Variants in PCDHGA3 observed in about 807,000 individuals in gnomAD.
PCDHGA3 encodes protocadherin gamma-A3.
A neutral mutation model predicts 58.5 loss-of-function variants in PCDHGA3; 40 were observed. That is an observed-to-expected ratio of 0.68 (90% CI 0.53 to 0.89). The LOEUF (loss-of-function observed/expected upper bound fraction) is 0.89. PCDHGA3 is among the 40% of genes least tolerant of loss of function. PCDHGA3 has a pLI of 0.00. For missense variants in PCDHGA3, 1,223 were observed against 1,195.9 expected (o/e 1.02, Z -0.33); for synonymous variants, 530 against 525.7 (o/e 1.01, Z -0.11).
rs1196577099 is a variant in PCDHGA3 at position 141,344,915 on chromosome 5, TAACTC to T, written c.884_888del (p.Asn295SerfsTer14). The stretch of plus-strand genomic sequence containing the variant: ...GGAAAATCGCTGAGATTTTCCATCT[TAACTC>T]AGTGAGTGGAGAAGTATCAATATTA... On this transcript the variant is annotated frameshift_variant, in exon 1 of 4. Coordinates refer to ENST00000253812, the MANE Select transcript of PCDHGA3 (RefSeq NM_018916.4). LOFTEE classifies it high-confidence loss of function. The T allele has an allele frequency of 3.7e-6, 6 of 1,613,928 alleles. No homozygotes were observed. The highest frequency in any genetic ancestry group is 3.4e-6 in the Non-Finnish European group (4 of 1,179,842).
At chr5:141,404,114 G>C (rs2094486353) in intron 1 of PCDHGA3, 4 of 1,613,348 alleles carry the variant, frequency 2.5e-6, no homozygotes, top group Non-Finnish European at 3.4e-6. Context: ...TTCTATCCAG[G>C]AGAATCTATC....
At chr5:141,352,289 C>G in intron 1 of PCDHGA3, 1 of 1,614,082 alleles carries the variant, frequency 6.2e-7, no homozygotes, top group Non-Finnish European at 8.5e-7. Context: ...CCGCCCTGAG[C>G]CCTCTGACCC....
intron 1 of PCDHGA3, chr5:141,414,638 A>G: frequency 6.2e-7 from 1 of 1,613,988 alleles, no homozygotes; most frequent in Non-Finnish European, 8.5e-7. Flanking sequence ...AGCAAAGAGA[A>G]TGCCCAGATT....
chr5:141,446,043 A>T (rs1374577548), intron 1 of PCDHGA3, among the ~76,000 whole-genome samples: 2 of 152,226 alleles, frequency 1.3e-5, no homozygotes, highest in Non-Finnish European at 2.9e-5. Flanking sequence ...AAATGGAAGA[A>T]GAGCTGGCTT....
At chr5:141,379,301 T>C (rs1454001720) in intron 1 of PCDHGA3, 1 of 152,244 alleles carries the variant, frequency 6.6e-6, no homozygotes, top group East Asian at 1.9e-4. Context: ...CAAAGGTATA[T>C]ACCTAAACAA....
chr5:141,399,975 G>A (rs2093929990), intron 1 of PCDHGA3: 2 of 1,612,126 alleles, frequency 1.2e-6, no homozygotes, highest in East Asian at 2.2e-5. Flanking sequence ...TCAGCCTGGG[G>A]CTGCGCACAG....
intron 1 of PCDHGA3, among the ~76,000 whole-genome samples, chr5:141,349,242 AT>A (rs11302014): frequency 0.56 from 84,602 of 151,744 alleles, 26,002 homozygotes; most frequent in African/African-American, 0.83. Context: ...GATAATTTTT[AT>A]TTTTTTTAGT....
At chr5:141,468,931 G>A (rs1321821773) in intron 1 of PCDHGA3, among the ~76,000 whole-genome samples, 2 of 148,600 alleles carry the variant, frequency 1.3e-5, no homozygotes, top group Non-Finnish European at 3.0e-5. Flanking sequence ...GCACTAAAAT[G>A]GGAGATGGGG....
In PCDHGA3 at chr5:141,491,357, T is replaced by C; in HGVS notation, c.2425-3450T>C. 6.2e-7 allele frequency: 1 copy of C among 1,614,144 alleles called. No homozygotes were observed. Among genetic ancestry groups the C allele is most frequent in the South Asian group, 1.1e-5 (1 of 91,080 alleles). On this transcript the variant is annotated intron_variant, in intron 1 of 3. Transcript: ENST00000253812. This position sits in a 1 kb window ranked among gnomAD's most constrained non-coding sequence, Gnocchi z 6.9. ...CTAGCGACCGTCAGTCTCTTATCCCTAGTCACCTTCACCTTTCTGTCAGCG... is the reference window on the plus strand; with the variant it reads ...CTAGCGACCGTCAGTCTCTTATCCCCAGTCACCTTCACCTTTCTGTCAGCG...
At position 141,419,393 on chromosome 5, in the gene PCDHGA3, G is replaced by C; in HGVS notation, c.2424+72936G>C. On this transcript the variant is annotated intron_variant, in intron 1 of 3. Transcript: ENST00000253812. ...CTACGTGTCCGTGAGCGCGCAGAGC[G>C]GGGTGGTGTTCGCGCAGCGCGCCTT... 1.2e-6 allele frequency: 2 copies of C among 1,613,620 alleles called. No homozygotes were observed. The highest frequency in any genetic ancestry group is 1.7e-6 in the Non-Finnish European group (2 of 1,179,912).
Position 141,409,934 on chromosome 5 carries a change from G to A in PCDHGA3, c.2424+63477G>A. The A allele has an allele frequency of 1.9e-6, 3 of 1,613,362 alleles. No individual in the cohort carries two copies. Among genetic ancestry groups the A allele is most frequent in the South Asian group, 2.2e-5 (2 of 91,074 alleles). On this transcript the variant is annotated intron_variant, in intron 1 of 3. Transcript: ENST00000253812. ...TGACGGCTCCGCGTTCTTCGATATG[G>A]TACCTCGCTCTGCAGAGCCCGGCTA...
chr5:141,423,750 T>TGGG lies in PCDHGA3; in HGVS notation c.2425-71049_2425-71047dup, dbSNP rs144521096. 4.7e-3 allele frequency: 1,348 copies of TGGG among 288,070 alleles called. 1 individual carries two copies. The highest frequency in any genetic ancestry group is 5.4e-3 in the Non-Finnish European group (1,192 of 221,408). 17.8% of individuals were successfully genotyped at this position (288,070 alleles called of 1,614,324 possible). A position where few individuals can be genotyped will look rare whatever the true frequency, so the allele number is the denominator to read the frequency against. ...TTTTGAGCCTGTTATGAAAACTGTT[T>TGGG]GGGGGGGGGGTGGGGCGGCATATAT... is the stretch of plus-strand genomic sequence containing the variant. On this transcript the variant is annotated intron_variant, in intron 1 of 3. Coordinates refer to ENST00000253812, the MANE Select transcript of PCDHGA3 (RefSeq NM_018916.4).
intron 1 of PCDHGA3, among the ~76,000 whole-genome samples, chr5:141,446,153 AT>A (rs1158236808): frequency 1.3e-5 from 2 of 152,362 alleles, no homozygotes; most frequent in East Asian, 3.9e-4. Flanking sequence ...TAGGTGGAAT[AT>A]AAATTTCATG....
chr5:141,395,016 G>T, intron 1 of PCDHGA3: 1 of 1,614,068 alleles, frequency 6.2e-7, no homozygotes, highest in Admixed American at 1.7e-5. Flanking sequence ...ATTGGTAGGC[G>T]TGCCTGCCTC....
At chr5:141,450,995 T>G (rs983544118) in intron 1 of PCDHGA3, among the ~76,000 whole-genome samples, 3 of 151,510 alleles carry the variant, frequency 2.0e-5, no homozygotes, top group Non-Finnish European at 4.4e-5. Context: ...CGGCTAATTT[T>G]TTTGTATTTT....
intron 1 of PCDHGA3, chr5:141,409,169 G>A (rs371896881): frequency 3.5e-5 from 56 of 1,613,906 alleles, no homozygotes; most frequent in Non-Finnish European, 4.2e-5. Flanking sequence ...GGAAGCGAAG[G>A]ACGGAGGTGG....
intron 3 of PCDHGA3, among the ~76,000 whole-genome samples, chr5:141,509,596 G>A (rs538867815): frequency 1.3e-5 from 2 of 152,258 alleles, no homozygotes; most frequent in Admixed American, 6.5e-5. Context: ...TGGCAATTCC[G>A]AGAGGCTGCA....
intron 1 of PCDHGA3, among the ~76,000 whole-genome samples, chr5:141,439,595 G>A (rs752771969): frequency 3.9e-5 from 6 of 152,192 alleles, no homozygotes; most frequent in Non-Finnish European, 5.9e-5. Flanking sequence ...CTGTTGGCCA[G>A]TCTGGAAACA....
At chr5:141,465,840 A>G (rs1212861707) in intron 1 of PCDHGA3, among the ~76,000 whole-genome samples, 1 of 151,734 alleles carries the variant, frequency 6.6e-6, no homozygotes, top group Non-Finnish European at 1.5e-5. Context: ...ATTTCAACTG[A>G]GGCTGGGCCC....
Sources: allele counts gnomAD v4.1 joint callset (sites outside exome capture counted in the v4.1 genomes callset), GRCh38; gene constraint gnomAD v4.1.1; non-coding constraint Gnocchi (gnomAD v3.1); transcripts MANE v1.5; gene names NCBI Gene and HGNC (gene_info 2026-07-23, HGNC 2026-07-21).